Variants in RTN1 observed in about 807,000 individuals in gnomAD.
The protein encoded by RTN1 is reticulon-1.
Under a neutral mutation model 65.5 loss-of-function variants are expected in RTN1, and 25 were observed. That is an observed-to-expected ratio of 0.38 (90% confidence interval 0.28 to 0.53). RTN1 has a LOEUF of 0.53. Among genes scored for constraint, RTN1 ranks in the 20% least tolerant of loss-of-function variants. RTN1 has a pLI of 0.79. For synonymous variants in RTN1, 471 were observed against 447.6 expected (o/e 1.05, Z -0.66); for missense variants, 983 against 1,025.4 (o/e 0.96, Z 0.57).
chr14:59,822,194 T>C lies in RTN1; in HGVS notation c.241+48196A>G, dbSNP rs192616015. ...TTGTTGATTCAGTTTTGAAACTTGT[T>C]ATTGGTCTGTTCAGGATTTCAATTT... is the stretch of plus-strand genomic sequence containing the variant. On this transcript the variant is annotated intron_variant, in intron 1 of 8. Transcript: ENST00000267484. 4.4e-4 allele frequency among the ~76,000 whole-genome samples: 67 copies of C among 152,330 alleles called. 1 individual carries two copies. In the East Asian group the frequency reaches 0.013, roughly 29 times the overall value.
At chr14:59,714,423 G>C (rs1217971011) in intron 3 of RTN1, among the ~76,000 whole-genome samples, 4 of 152,032 alleles carry the variant, frequency 2.6e-5, no homozygotes, top group Non-Finnish European at 5.9e-5. Flanking sequence ...TTTTGTTGTT[G>C]TTGCTAATTT....
chr14:59,798,626 T>C (rs1314377676), intron 1 of RTN1, among the ~76,000 whole-genome samples: 1 of 152,176 alleles, frequency 6.6e-6, no homozygotes, highest in Non-Finnish European at 1.5e-5. Context: ...TCCTCTTACC[T>C]GACTCTGATC....
At chr14:59,844,981 C>T (rs921500655) in intron 1 of RTN1, among the ~76,000 whole-genome samples, 3 of 152,166 alleles carry the variant, frequency 2.0e-5, no homozygotes, top group African/African-American at 7.2e-5. Context: ...GTGCAATCAA[C>T]TTATAGTCAA....
At chr14:59,850,700 GGTT>G (rs1444431937) in intron 1 of RTN1, among the ~76,000 whole-genome samples, 1 of 152,100 alleles carries the variant, frequency 6.6e-6, no homozygotes, top group Non-Finnish European at 1.5e-5. Context: ...GGAGGTTAGT[GGTT>G]ATTATGCAAA....
intron 1 of RTN1, among the ~76,000 whole-genome samples, chr14:59,786,056 A>G (rs1302875275): frequency 6.6e-6 from 1 of 152,200 alleles, no homozygotes; most frequent in African/African-American, 2.4e-5. Flanking sequence ...GAGGGTATAG[A>G]AAGAAGCCAC....
chr14:59,702,785 C>A (rs912653512), intron 3 of RTN1, among the ~76,000 whole-genome samples: 1 of 152,224 alleles, frequency 6.6e-6, no homozygotes, highest in African/African-American at 2.4e-5. Flanking sequence ...ATCAGAGCAG[C>A]TCACTCCTCT....
intron 3 of RTN1, among the ~76,000 whole-genome samples, chr14:59,642,222 G>A (rs1441560713): frequency 2.6e-5 from 4 of 151,890 alleles, no homozygotes; most frequent in Non-Finnish European, 5.9e-5. Context: ...TCTTTTTGTT[G>A]CTTCTTAGAA....
chr14:59,750,892 T>G lies in RTN1; in HGVS notation c.242-4411A>C, dbSNP rs534051447. Among the ~76,000 whole-genome samples the G allele has an allele frequency of 2.7e-5, 4 of 149,626 alleles. 1 individual carries two copies. The South Asian group carries it at 8.4e-4, about 31-fold the overall frequency. On this transcript the variant is annotated intron_variant, in intron 1 of 8. Transcript: ENST00000267484. ...GCATGACTGGCTAATTTTGTTTTCA[T>G]TTTTTCATAGAGATGTGGTCTCACT...
intron 1 of RTN1, among the ~76,000 whole-genome samples, chr14:59,796,871 C>T (rs1048935182): frequency 2.0e-5 from 3 of 152,122 alleles, no homozygotes; most frequent in Admixed American, 6.6e-5. Flanking sequence ...CTGAAGGCGG[C>T]GATTTTATCC....
chr14:59,630,511 C>T, intron 3 of RTN1: 1 of 1,613,552 alleles, frequency 6.2e-7, no homozygotes, highest in Non-Finnish European at 8.5e-7. Context: ...CTGCATCGTG[C>T]GGGCTTTGGG....
intron 1 of RTN1, among the ~76,000 whole-genome samples, chr14:59,776,872 TC>T (rs1196919484): frequency 2.0e-5 from 3 of 152,186 alleles, no homozygotes; most frequent in Admixed American, 1.3e-4. Context: ...TAGGTTTCAA[TC>T]TGACTGGATT....
intron 3 of RTN1, among the ~76,000 whole-genome samples, chr14:59,696,624 A>G (rs2139443560): frequency 6.6e-6 from 1 of 152,246 alleles, no homozygotes; most frequent in South Asian, 2.1e-4. Context: ...TGTTGTCAGC[A>G]ACATACTTCT....
chr14:59,768,793 T>C (rs979070084), intron 1 of RTN1, among the ~76,000 whole-genome samples: 1 of 152,214 alleles, frequency 6.6e-6, no homozygotes, highest in Non-Finnish European at 1.5e-5. Flanking sequence ...TTCTATATGC[T>C]AAGCACTCTG....
At chr14:59,630,582 CTG>C in intron 3 of RTN1, 1 of 1,599,708 alleles carries the variant, frequency 6.3e-7, no homozygotes, top group Non-Finnish European at 8.5e-7. Context: ...TGCCCGGCTG[CTG>C]CGGCTGGGCT....
chr14:59,630,685 G>GGCC, intron 3 of RTN1: 2 of 1,174,654 alleles, frequency 1.7e-6, no homozygotes, highest in Non-Finnish European at 2.1e-6. Flanking sequence ...CAGTCTGCGC[G>GGCC]GCCGGCAGCG....
chr14:59,637,447 C>T (rs948071777), intron 3 of RTN1, among the ~76,000 whole-genome samples: 2 of 152,222 alleles, frequency 1.3e-5, no homozygotes, highest in East Asian at 1.9e-4. Context: ...GGCACGGTGG[C>T]TTACGCCTGT....
intron 1 of RTN1, among the ~76,000 whole-genome samples, chr14:59,812,307 AT>A (rs1886744299): frequency 6.6e-6 from 1 of 152,186 alleles, no homozygotes; most frequent in Non-Finnish European, 1.5e-5. Context: ...AAGTGATGGA[AT>A]TTTTTTAAAA....
At chr14:59,758,508 C>T (rs1885685189) in intron 1 of RTN1, among the ~76,000 whole-genome samples, 1 of 152,112 alleles carries the variant, frequency 6.6e-6, no homozygotes, top group South Asian at 2.1e-4. Flanking sequence ...CTGCTCAAGC[C>T]CTTCTCCTCA....
chr14:59,761,202 T>A (rs908882762), intron 1 of RTN1, among the ~76,000 whole-genome samples: 4 of 152,236 alleles, frequency 2.6e-5, no homozygotes, highest in Non-Finnish European at 4.4e-5. Flanking sequence ...AGAATTTTCA[T>A]GCTAATTGTC....
Sources: gnomAD v4.1 joint callset for allele counts (sites outside exome capture counted in the v4.1 genomes callset) on GRCh38, gnomAD v4.1.1 for gene constraint, MANE v1.5 for transcripts, NCBI Gene and HGNC (gene_info 2026-07-23, HGNC 2026-07-21) for gene names.